SLC26A5: variants seen among roughly 807,000 people sequenced by gnomAD.
SLC26A5 encodes prestin.
A neutral mutation model predicts 81.0 loss-of-function variants in SLC26A5; 51 were observed. The observed-to-expected ratio is 0.63, with a 90% CI of 0.50 to 0.80. The LOEUF is 0.80. Among genes scored for constraint, SLC26A5 ranks in the 30% least tolerant of loss-of-function variants. The pLI, the probability that SLC26A5 is intolerant of heterozygous loss-of-function variation, is 0.00. For synonymous variants in SLC26A5, 325 were observed against 332.8 expected (o/e 0.98, Z 0.25); for missense variants, 771 against 905.8 (o/e 0.85, Z 1.91).
At chr7:103,395,859 G>T (rs1455263475) in intron 9 of SLC26A5, among the ~76,000 whole-genome samples, 1 of 151,976 alleles carries the variant, frequency 6.6e-6, no homozygotes, top group Non-Finnish European at 1.5e-5. Flanking sequence ...TAATATAGAT[G>T]AAGCAAAGAA....
intron 8 of SLC26A5, among the ~76,000 whole-genome samples, chr7:103,402,242 G>A (rs1272028659): frequency 6.6e-6 from 1 of 152,262 alleles, no homozygotes; most frequent in Middle Eastern, 3.4e-3. Context: ...TTCAGAGCCT[G>A]TTATTGGTCT....
At position 103,420,721 on chromosome 7, in the gene SLC26A5, A is replaced by C. The variant is rs980234730; in HGVS notation, c.292+17T>G. On this transcript the variant is annotated intron_variant, in intron 4 of 19. Coordinates refer to ENST00000306312, the MANE Select transcript of SLC26A5 (RefSeq NM_198999.3). ...TTTGAGGACAGCAAGGGGGGAAAGA[A>C]AGAAAGATCTACTGACCTTGAGGAA... 6.2e-7 allele frequency: 1 copy of C among 1,613,854 alleles called. No homozygotes were observed. The highest frequency in any genetic ancestry group is 8.5e-7 in the Non-Finnish European group (1 of 1,179,942).
At chr7:103,371,975 G>A (rs962293825), downstream of SLC26A5, among the ~76,000 whole-genome samples, 15 of 152,168 alleles carry the variant, frequency 9.9e-5, no homozygotes, top group Admixed American at 1.3e-4. Flanking sequence ...GATTACAGGC[G>A]TGAGCCACCG....
At chr7:103,428,774 G>T (rs1825873276) in intron 2 of SLC26A5, among the ~76,000 whole-genome samples, 2 of 152,016 alleles carry the variant, frequency 1.3e-5, no homozygotes, top group Admixed American at 1.3e-4. Flanking sequence ...CACCATGTTG[G>T]CAAGGCTGGT....
chr7:103,352,744 T>C (rs1446609915), exon 20 of SLC26A5: 1 of 738,768 alleles, frequency 1.4e-6, no homozygotes, highest in East Asian at 2.5e-5. Flanking sequence ...ATTCATTTTT[T>C]CTTTATTTCA....
At position 103,377,503 on chromosome 7, in the gene SLC26A5, T is replaced by C; in HGVS notation, c.1986+96A>G. On this transcript the variant is annotated intron_variant, in intron 18 of 19. Transcript: ENST00000306312. ...CCATAATCAAAAGGGGATAAATCTT[T>C]TGTTGAAAAGAGAGCCTAGCCCACC... The C allele has an allele frequency of 3.4e-6, 4 of 1,162,070 alleles. No individual in the cohort carries two copies. The East Asian group carries it at 9.5e-5, about 28-fold the overall frequency. The allele number at this position is 1,162,070 out of a possible 1,614,324, so 72.0% of individuals were successfully genotyped here. A position where few individuals can be genotyped will look rare whatever the true frequency, so the allele number is the denominator to read the frequency against.
chr7:103,364,013 T>C (rs1307901041), intron 19 of SLC26A5: 11 of 870,870 alleles, frequency 1.3e-5, no homozygotes, highest in Non-Finnish European at 1.7e-5. Flanking sequence ...GACTTAATAA[T>C]TTTGATTTAA....
Position 103,378,483 on chromosome 7 carries a change from C to A in SLC26A5, c.1748G>T (p.Gly583Val). The change falls in exon 17 of 20, where the codon GGA (glycine) becomes GTA (valine). Residue 583 changes from glycine (G) to valine (V), a missense_variant. Transcript: ENST00000306312. ...AGTTGCGTTGGCCATATTTGCATTT[C>A]CGACTTCCTTAGCGTACTTCCGCAT... is the stretch of plus-strand genomic sequence containing the variant. ...KAMRKYAKEV[G>V]NANMANATVV... The A allele has an allele frequency of 1.2e-6, 2 of 1,614,160 alleles. No homozygotes were observed. Among genetic ancestry groups the A allele is most frequent in the Non-Finnish European group, 1.7e-6 (2 of 1,180,006 alleles).
At chr7:103,366,247 T>G in intron 19 of SLC26A5, 1 of 1,231,940 alleles carries the variant, frequency 8.1e-7, no homozygotes, top group Non-Finnish European at 1.2e-6. Context: ...GTTAATCTTG[T>G]ACAGAATTTT....
intron 14 of SLC26A5, among the ~76,000 whole-genome samples, chr7:103,386,137 G>C (rs1822176013): frequency 6.6e-6 from 1 of 151,766 alleles, no homozygotes. Flanking sequence ...TACCATGTTG[G>C]TCAGGCTAGT....
At chr7:103,412,797 C>T (rs533452352) in intron 5 of SLC26A5, among the ~76,000 whole-genome samples, 138 of 152,028 alleles carry the variant, frequency 9.1e-4, no homozygotes, top group Non-Finnish European at 1.7e-3. Flanking sequence ...ACGATCTGCC[C>T]GCCTCGGCCT....
chr7:103,366,935 G>A (rs1820749436), intron 19 of SLC26A5, among the ~76,000 whole-genome samples: 1 of 152,130 alleles, frequency 6.6e-6, no homozygotes. Flanking sequence ...CTCCTGAGTA[G>A]CTGCAATTAC....
At chr7:103,359,559 G>C (rs1202759765) in intron 19 of SLC26A5, among the ~76,000 whole-genome samples, 1 of 151,954 alleles carries the variant, frequency 6.6e-6, no homozygotes, top group East Asian at 1.9e-4. Flanking sequence ...GTCTATCCTG[G>C]ACATATCATC....
chr7:103,397,094 C>CA (rs35371194), intron 9 of SLC26A5, among the ~76,000 whole-genome samples: 11 of 134,172 alleles, frequency 8.2e-5, no homozygotes, highest in African/African-American at 2.7e-4. Flanking sequence ...GACTCGGTCT[C>CA]AAAAAAAAAG....
At chr7:103,399,554 C>G (rs1011511500) in intron 8 of SLC26A5, among the ~76,000 whole-genome samples, 7 of 152,120 alleles carry the variant, frequency 4.6e-5, no homozygotes, top group African/African-American at 1.7e-4. Context: ...GATCAGACAC[C>G]TATACTCTTC....
At chr7:103,374,109 T>C (rs1256881538), downstream of SLC26A5, 1 of 1,000,512 alleles carries the variant, frequency 1.0e-6, no homozygotes, top group Non-Finnish European at 1.3e-6. Flanking sequence ...GTGGGTAAAA[T>C]ACTTGACTGA....
At chr7:103,420,616 T>C (rs1443093585) in intron 4 of SLC26A5, 122 bp downstream of exon 4, 2 of 1,309,378 alleles carry the variant, frequency 1.5e-6, no homozygotes, top group African/African-American at 1.5e-5. Context: ...TACCTTTAGA[T>C]AGGTAAAGGT....
intron 15 of SLC26A5, 103 bp from the exon 16 acceptor site, chr7:103,379,438 A>C: frequency 1.3e-6 from 1 of 746,582 alleles, no homozygotes; most frequent in East Asian, 2.8e-5. Context: ...GAAGTTGCTA[A>C]GGTCCCCTTT....
rs1443770545 is a variant in SLC26A5 at position 103,356,330 on chromosome 7, A to G, written c.2042-3404T>C. Among the ~76,000 whole-genome samples, 4 of 152,194 alleles carry G rather than the reference A, an allele frequency of 2.6e-5. No individual in the cohort carries two copies. The East Asian group carries it at 7.7e-4, about 29-fold the overall frequency. ...GTGCTGTAGTGAATATTCGTGTTAA[A>G]TGTTTCTCAGTGTATGTGCATACAT... On this transcript the variant is annotated intron_variant, in intron 19 of 19. Coordinates refer to the SLC26A5 transcript ENST00000339444.
Sources: allele counts gnomAD v4.1 joint callset (sites outside exome capture counted in the v4.1 genomes callset), GRCh38; gene constraint gnomAD v4.1.1; transcripts MANE v1.5; gene names NCBI Gene and HGNC (gene_info 2026-07-23, HGNC 2026-07-21).